Variants in KCNH8 observed in about 807,000 individuals in gnomAD.
KCNH8 encodes voltage-gated delayed rectifier potassium channel KCNH8.
KCNH8 carries 70 observed loss-of-function variants against 103.6 expected under a neutral mutation model. The ratio of observed to expected loss-of-function variants is 0.68; its 90% CI spans 0.56 to 0.82. The LOEUF (loss-of-function observed/expected upper bound fraction) is 0.82, where lower values mean the gene tolerates loss of function less well. Among genes scored for constraint, KCNH8 ranks in the 40% least tolerant of loss-of-function variants. The pLI is 0.00. For missense variants in KCNH8, 1,217 were observed against 1,329.9 expected (o/e 0.92, Z 1.32); for synonymous variants, 498 against 489.4 (o/e 1.02, Z -0.23).
intron 7 of KCNH8, among the ~76,000 whole-genome samples, chr3:19,419,095 C>T (rs949352090): frequency 1.3e-5 from 2 of 150,376 alleles, no homozygotes; most frequent in African/African-American, 4.9e-5. Flanking sequence ...ATTTTAATAC[C>T]TCTTCTCTCC....
intron 7 of KCNH8, among the ~76,000 whole-genome samples, chr3:19,423,795 C>T (rs150021638): frequency 3.3e-5 from 5 of 152,130 alleles, no homozygotes; most frequent in African/African-American, 4.8e-5. Flanking sequence ...TGAGTAGATA[C>T]GCAGTAGTGG....
chr3:19,258,947 C>CTCTATATATATATATATA (rs1321918245), intron 2 of KCNH8, among the ~76,000 whole-genome samples: 8 of 24,798 alleles, frequency 3.2e-4, no homozygotes, highest in South Asian at 1.5e-3. Flanking sequence ...CTCTCTCTCT[C>CTCTATATATATATATATA]TATATATATA....
At chr3:19,525,358 ATTCTTTGTCTAAATCCCCAG>A in intron 15 of KCNH8, among the ~76,000 whole-genome samples, 1 of 151,860 alleles carries the variant, frequency 6.6e-6, no homozygotes. Flanking sequence ...ATCTGAGTAT[ATTCTTTGTCTAAATCCCCAG>A]ATGATTCCTA....
intron 1 of KCNH8, among the ~76,000 whole-genome samples, chr3:19,173,982 A>G (rs1251888892): frequency 6.7e-6 from 1 of 148,972 alleles, no homozygotes; most frequent in African/African-American, 2.5e-5. Context: ...TGTGTGTTAT[A>G]ATCACATTCC....
chr3:19,189,484 G>C (rs1055250433), intron 1 of KCNH8, among the ~76,000 whole-genome samples: 1 of 151,696 alleles, frequency 6.6e-6, no homozygotes, highest in African/African-American at 2.4e-5. Context: ...TGGCCTTTTT[G>C]GTCTTCATAG....
chr3:19,496,844 C>A (rs898587558), intron 11 of KCNH8, among the ~76,000 whole-genome samples: 2 of 152,018 alleles, frequency 1.3e-5, no homozygotes, highest in African/African-American at 2.4e-5. Context: ...GGTTGGTTGG[C>A]TTTTTATTAC....
At chr3:19,317,269 T>A (rs1194964308) in intron 3 of KCNH8, among the ~76,000 whole-genome samples, 2 of 151,976 alleles carry the variant, frequency 1.3e-5, no homozygotes, top group South Asian at 2.1e-4. Context: ...ACAACGTTTT[T>A]AAATTAATTT....
intron 1 of KCNH8, among the ~76,000 whole-genome samples, chr3:19,205,980 G>A (rs2063710133): frequency 6.6e-6 from 1 of 151,444 alleles, no homozygotes; most frequent in African/African-American, 2.4e-5. Flanking sequence ...CCTTTCCTCT[G>A]AGTCCCTATA....
Position 19,510,369 on chromosome 3 carries a change from T to A in KCNH8, c.2047T>A (p.Ser683Thr). ...LREGHESDVI[S>T]RLSNKSMVSQ... The stretch of plus-strand genomic sequence containing the variant: ...CTTCTGTTTGTTCTTTCAGGTGATA[T>A]CAAGACTATCAAACAAATCTATGGT... Residue 683 changes from serine to threonine, a missense_variant, in exon 12 of 16, where the codon TCA becomes ACA. By Grantham distance (58) the Ser-to-Thr change is moderately conservative. Around this residue, in one of 3 missense-constraint regions of KCNH8, gnomAD observed 558 missense variants for 495.8 expected, o/e 1.13. Coordinates refer to ENST00000328405, the MANE Select transcript of KCNH8 (RefSeq NM_144633.3). The A allele has an allele frequency of 6.3e-7, 1 of 1,578,138 alleles. No individual in the cohort carries two copies. The highest frequency in any genetic ancestry group is 8.7e-7 in the Non-Finnish European group (1 of 1,147,446).
chr3:19,518,640 G>C (rs1336589317), intron 15 of KCNH8, among the ~76,000 whole-genome samples: 1 of 151,944 alleles, frequency 6.6e-6, no homozygotes, highest in Non-Finnish European at 1.5e-5. Context: ...ATACAATCCA[G>C]TGAGTTTTAG....
At chr3:19,371,179 C>A (rs1347236403) in intron 5 of KCNH8, among the ~76,000 whole-genome samples, 116 of 148,038 alleles carry the variant, frequency 7.8e-4, no homozygotes, top group Non-Finnish European at 1.5e-3. Context: ...CCTGAGGAAT[C>A]GCCACACTGA....
chr3:19,397,910 C>T (rs949460543), intron 7 of KCNH8, among the ~76,000 whole-genome samples: 5 of 151,946 alleles, frequency 3.3e-5, no homozygotes, highest in East Asian at 1.9e-4. Context: ...ACCTTCCCTA[C>T]CTAACTTTAT....
Position 19,438,161 on chromosome 3 carries a change from C to T in KCNH8, c.1178-3C>T. On this transcript the variant is annotated splice_region_variant and splice_polypyrimidine_tract_variant and intron_variant, in intron 7 of 15. Coordinates refer to ENST00000328405, the MANE Select transcript of KCNH8 (RefSeq NM_144633.3). ...CTCATTTGCTTTATTTCCTCCTTTG[C>T]AGGTTGGCTTCATGAGTTGGGAAAG... is the stretch of plus-strand genomic sequence containing the variant. 2 of 1,612,658 alleles carry T rather than the reference C, an allele frequency of 1.2e-6. No homozygotes were observed. The highest frequency in any genetic ancestry group is 1.1e-5 in the South Asian group (1 of 91,046).
intron 3 of KCNH8, among the ~76,000 whole-genome samples, chr3:19,301,579 T>G (rs181463212): frequency 2.0e-5 from 3 of 152,262 alleles, no homozygotes. Context: ...CAAATGTGTG[T>G]TTTTTCGACA....
intron 3 of KCNH8, among the ~76,000 whole-genome samples, chr3:19,282,117 G>T (rs1451765913): frequency 1.3e-5 from 2 of 151,992 alleles, no homozygotes; most frequent in Non-Finnish European, 2.9e-5. Context: ...TGTCTTTTTA[G>T]GAATGGACTC....
intron 1 of KCNH8, among the ~76,000 whole-genome samples, chr3:19,183,405 A>G (rs1448222640): frequency 6.6e-6 from 1 of 152,140 alleles, no homozygotes; most frequent in Non-Finnish European, 1.5e-5. Flanking sequence ...TAAGTAGGTA[A>G]GAAGGTATCG....
chr3:19,506,642 A>T (rs2068699582), intron 11 of KCNH8, among the ~76,000 whole-genome samples: 1 of 152,072 alleles, frequency 6.6e-6, no homozygotes. Flanking sequence ...GCACACTGCA[A>T]TTCTGGAGTG....
chr3:19,256,496 A>G (rs116615156), intron 2 of KCNH8, among the ~76,000 whole-genome samples: 2,489 of 152,234 alleles, frequency 0.016, 59 homozygotes, highest in African/African-American at 0.055. Flanking sequence ...GCAGGGAGTG[A>G]CAAAGCTGCC....
At chr3:19,287,735 G>A (rs1245764006) in intron 3 of KCNH8, among the ~76,000 whole-genome samples, 3 of 152,078 alleles carry the variant, frequency 2.0e-5, no homozygotes, top group African/African-American at 7.2e-5. Context: ...ACAGGGATGT[G>A]CCACCACACC....
Sources: gnomAD v4.1 joint callset for allele counts (sites outside exome capture counted in the v4.1 genomes callset) on GRCh38, gnomAD v4.1.1 for gene constraint, gnomAD v4.1.1 regional missense constraint, MANE v1.5 for transcripts, NCBI Gene and HGNC (gene_info 2026-07-23, HGNC 2026-07-21) for gene names.